CDH12: variants seen among roughly 807,000 people sequenced by gnomAD.
CDH12 encodes cadherin-12.
A neutral mutation model predicts 74.1 loss-of-function variants in CDH12; 41 were observed. The observed-to-expected ratio is 0.55, with a 90% CI of 0.43 to 0.72. The LOEUF is 0.72. CDH12 is among the 30% of genes least tolerant of loss of function. The probability of loss-of-function intolerance (pLI) is 0.00; values close to 1 mark genes in which losing one functional copy is unlikely to be tolerated. For missense variants in CDH12, 945 were observed against 977.2 expected, an observed-to-expected ratio of 0.97 and a Z score of 0.44; for synonymous variants, 399 against 355.0, an observed-to-expected ratio of 1.12 and a Z score of -1.39.
intron 1 of CDH12, among the ~76,000 whole-genome samples, chr5:22,766,123 T>C (rs760843922): frequency 3.9e-5 from 6 of 152,042 alleles, no homozygotes; most frequent in Non-Finnish European, 8.8e-5. Context: ...GATTTTCAAC[T>C]ATTAGAAAGT....
At chr5:22,473,355 T>G (rs1746045305) in intron 2 of CDH12, among the ~76,000 whole-genome samples, 1 of 151,890 alleles carries the variant, frequency 6.6e-6, no homozygotes, top group Non-Finnish European at 1.5e-5. Flanking sequence ...ATATTATCTC[T>G]CTACTCTAAG....
intron 1 of CDH12, among the ~76,000 whole-genome samples, chr5:22,694,474 A>C (rs183954138): frequency 6.6e-6 from 1 of 152,204 alleles, no homozygotes; most frequent in Non-Finnish European, 1.5e-5. Context: ...CAAATAATCA[A>C]CTGCTTAATA....
At chr5:22,531,440 G>T (rs2161809) in intron 1 of CDH12, among the ~76,000 whole-genome samples, 32 of 152,026 alleles carry the variant, frequency 2.1e-4, no homozygotes, top group African/African-American at 7.7e-4. Flanking sequence ...TTTAAATTCA[G>T]ATGTGTATTG....
intron 3 of CDH12, among the ~76,000 whole-genome samples, chr5:22,238,583 G>A (rs1222590329): frequency 6.6e-6 from 1 of 152,144 alleles, no homozygotes; most frequent in Admixed American, 6.5e-5. Context: ...AAAAGAAAAA[G>A]CAATGGAATG....
intron 4 of CDH12, among the ~76,000 whole-genome samples, chr5:22,188,866 G>C (rs1435692955): frequency 1.3e-5 from 2 of 152,118 alleles, no homozygotes; most frequent in Non-Finnish European, 2.9e-5. Flanking sequence ...TGCTGGTTTG[G>C]AATAACTCTC....
chr5:22,556,982 G>GACC (rs1296120060), intron 1 of CDH12, among the ~76,000 whole-genome samples: 2 of 151,934 alleles, frequency 1.3e-5, no homozygotes, highest in African/African-American at 4.8e-5. Context: ...TGATCACACT[G>GACC]ACCAACCTCT....
Position 22,678,619 on chromosome 5 carries a change from A to G in CDH12, c.-522-173255T>C, listed in dbSNP as rs1353735476. ...GGCCACCTTAAAAATCTTTGTTTTT[A>G]TTACTTAGTAATAGAAGGCAGTAAT... On this transcript the variant is annotated intron_variant, in intron 1 of 14. Transcript: ENST00000382254. Among the ~76,000 whole-genome samples the G allele has an allele frequency of 2.6e-5, 4 of 152,250 alleles. No individual in the cohort carries two copies. In the East Asian group the frequency reaches 5.8e-4, roughly 22 times the overall value.
chr5:22,117,438 A>ATATATATATAATATATAT (rs1745184800), intron 4 of CDH12, among the ~76,000 whole-genome samples: 1 of 102,764 alleles, frequency 9.7e-6, no homozygotes, highest in Non-Finnish European at 1.9e-5. Context: ...TATATAAATT[A>ATATATATATAATATATAT]TATATATATA....
intron 3 of CDH12, among the ~76,000 whole-genome samples, chr5:22,323,526 T>A (rs1202760144): frequency 6.6e-6 from 1 of 152,194 alleles, no homozygotes; most frequent in Non-Finnish European, 1.5e-5. Context: ...TTATATATTT[T>A]ATGTTTATTG....
chr5:22,675,208 C>T (rs907857087), intron 1 of CDH12, among the ~76,000 whole-genome samples: 2 of 152,066 alleles, frequency 1.3e-5, no homozygotes, highest in East Asian at 1.9e-4. Context: ...CTGTGCTGGG[C>T]GCAGTCTAGG....
At chr5:22,478,762 C>T (rs1315386655) in intron 2 of CDH12, among the ~76,000 whole-genome samples, 1 of 151,976 alleles carries the variant, frequency 6.6e-6, no homozygotes, top group Non-Finnish European at 1.5e-5. Context: ...CATTTACTCA[C>T]ATAATTAAAC....
rs190316927 is a variant in CDH12, at chr5:22,679,603, A to G, written c.-523+173455T>C. On this transcript the variant is annotated intron_variant, in intron 1 of 14. Coordinates refer to ENST00000382254, the MANE Select transcript of CDH12 (RefSeq NM_004061.5). The stretch of plus-strand genomic sequence containing the variant: ...TTGGCAGAGGACAGATCTCCTGGGC[A>G]TATTACTTGGATAGTAGAAATATTG... 6.6e-5 allele frequency among the ~76,000 whole-genome samples: 10 copies of G among 152,226 alleles called. No homozygotes were observed. The East Asian group carries it at 1.5e-3, about 24-fold the overall frequency.
At chr5:22,359,834 G>A (rs535342845) in intron 3 of CDH12, among the ~76,000 whole-genome samples, 1 of 152,076 alleles carries the variant, frequency 6.6e-6, no homozygotes, top group African/African-American at 2.4e-5. Context: ...ATGAGTACTG[G>A]GTACGTAACG....
intron 1 of CDH12, among the ~76,000 whole-genome samples, chr5:22,606,944 T>C (rs895880236): frequency 6.6e-6 from 1 of 152,260 alleles, no homozygotes; most frequent in South Asian, 2.1e-4. Flanking sequence ...TGGTCTCAGA[T>C]GGAGATTAGG....
In CDH12 at chr5:22,625,860, C is replaced by A. The variant is rs528068627; in HGVS notation, c.-522-120496G>T. ...CAACCAGCCCACTTTCAGCATCCCC[C>A]CCACAGTAGCCTTCCCCTTTTGCCT... is the stretch of plus-strand genomic sequence containing the variant. On this transcript the variant is annotated intron_variant, in intron 1 of 14. Coordinates refer to ENST00000382254, the MANE Select transcript of CDH12 (RefSeq NM_004061.5). 1.2e-4 allele frequency among the ~76,000 whole-genome samples: 18 copies of A among 152,288 alleles called. No homozygotes were observed. The South Asian group carries it at 3.7e-3, about 32-fold the overall frequency.
At chr5:22,562,937 T>G (rs1002579889) in intron 1 of CDH12, among the ~76,000 whole-genome samples, 5 of 147,928 alleles carry the variant, frequency 3.4e-5, no homozygotes, top group Admixed American at 2.7e-4. Context: ...TAAATTTATA[T>G]TTTTAAATAT....
In CDH12 at chr5:22,760,691, A is replaced by AC. The variant is rs1467740973; in HGVS notation, c.-523+92366_-523+92367insG. ...AAGACTCCGTCTCAAAAAAAAAAAA[A>AC]AAAAAAAAACAAAAAAAAAAAGGTA... On this transcript the variant is annotated intron_variant, in intron 1 of 14. Coordinates refer to ENST00000382254, the MANE Select transcript of CDH12 (RefSeq NM_004061.5). Among the ~76,000 whole-genome samples, 4 of 151,228 alleles carry AC rather than the reference A, an allele frequency of 2.6e-5. No homozygotes were observed. In the East Asian group the frequency reaches 5.8e-4, roughly 22 times the overall value.
At chr5:22,309,429 A>G (rs1411212720) in intron 3 of CDH12, among the ~76,000 whole-genome samples, 1 of 152,174 alleles carries the variant, frequency 6.6e-6, no homozygotes, top group East Asian at 1.9e-4. Flanking sequence ...AAAATTGAGT[A>G]AGCTACCAGA....
intron 6 of CDH12, among the ~76,000 whole-genome samples, chr5:21,892,024 C>T (rs1036783734): frequency 9.9e-5 from 15 of 152,092 alleles, no homozygotes; most frequent in African/African-American, 3.6e-4. Context: ...GACTGCTATG[C>T]CAAGCTCATA....
Sources: gnomAD v4.1 joint callset for allele counts (sites outside exome capture counted in the v4.1 genomes callset) on GRCh38, gnomAD v4.1.1 for gene constraint, MANE v1.5 for transcripts, NCBI Gene and HGNC (gene_info 2026-07-23, HGNC 2026-07-21) for gene names.